Variants in ALMS1 observed in about 807,000 individuals in gnomAD.
ALMS1 encodes centrosome-associated protein ALMS1.
A neutral mutation model predicts 352.2 loss-of-function variants in ALMS1; 271 were observed. That is an observed-to-expected ratio of 0.77 (90% confidence interval 0.70 to 0.85). The LOEUF is 0.85. Among genes scored for constraint, ALMS1 ranks in the 40% least tolerant of loss-of-function variants. The pLI, the probability that ALMS1 is intolerant of heterozygous loss-of-function variation, is 0.00. For synonymous variants in ALMS1, 1,865 were observed against 1,761.2 expected, an observed-to-expected ratio of 1.06 and a Z score of -1.48; for missense variants, 5,445 against 4,870.7, an observed-to-expected ratio of 1.12 and a Z score of -3.51.
At chr2:73,571,007 T>C (rs975922469) in intron 15 of ALMS1, among the ~76,000 whole-genome samples, 10 of 152,358 alleles carry the variant, frequency 6.6e-5, no homozygotes, top group Admixed American at 3.3e-4. Context: ...TTTAGAATTA[T>C]ATATTTGTTT....
intron 4 of ALMS1, among the ~76,000 whole-genome samples, chr2:73,423,398 C>T (rs991559444): frequency 6.6e-6 from 1 of 152,170 alleles, no homozygotes; most frequent in African/African-American, 2.4e-5. Flanking sequence ...GACTAGTTAG[C>T]TCTCCTTACC....
At chr2:73,397,086 T>C (rs1670779558) in intron 1 of ALMS1, among the ~76,000 whole-genome samples, 1 of 152,184 alleles carries the variant, frequency 6.6e-6, no homozygotes, top group African/African-American at 2.4e-5. Flanking sequence ...TGTGGTAACA[T>C]GCTAGGGGTT....
chr2:73,457,262 C>G (rs1310461433), intron 9 of ALMS1: 1 of 152,140 alleles, frequency 6.6e-6, no homozygotes, highest in Non-Finnish European at 1.5e-5. Context: ...GACAGAGTCT[C>G]ACTTTATTGC....
chr2:73,491,473 G>A lies in ALMS1; in HGVS notation c.9514G>A (p.Glu3172Lys), dbSNP rs780504972. The stretch of plus-strand genomic sequence containing the variant: ...AGATTTCGAAGGACATTCCAATCCA[G>A]AGGGGACCCCAGTATTTGCAGATCG... ...ISDFEGHSNPEGTPVFADRLP... is the reference protein window; with the variant it reads ...ISDFEGHSNPKGTPVFADRLP... The change falls in exon 10 of 23, where the codon GAG becomes AAG. Residue 3172 changes from glutamate to lysine, a missense_variant. By Grantham distance (56) the Glu-to-Lys change is moderately conservative (BLOSUM62 1). Transcript: ENST00000613296. The A allele has an allele frequency of 1.2e-6, 2 of 1,613,930 alleles. No homozygotes were observed. The highest frequency in any genetic ancestry group is 2.7e-5 in the African/African-American group (2 of 74,942).
At chr2:73,460,884 C>T (rs967757576) in intron 9 of ALMS1, among the ~76,000 whole-genome samples, 6 of 152,208 alleles carry the variant, frequency 3.9e-5, no homozygotes, top group Non-Finnish European at 8.8e-5. Flanking sequence ...AGCAGCGAGG[C>T]TGGGGGAGGG....
At chr2:73,483,582 A>T (rs1469052195) in intron 9 of ALMS1, among the ~76,000 whole-genome samples, 1 of 151,762 alleles carries the variant, frequency 6.6e-6, no homozygotes, top group South Asian at 2.1e-4. Flanking sequence ...GTAGATGTCT[A>T]TTAGGTCCAC....
At chr2:73,437,401 G>A (rs535644730) in intron 7 of ALMS1, among the ~76,000 whole-genome samples, 11 of 152,328 alleles carry the variant, frequency 7.2e-5, no homozygotes, top group African/African-American at 2.4e-4. Flanking sequence ...GGGTAGGGAT[G>A]ATTAGAGCTT....
At chr2:73,481,142 G>C (rs575940648) in intron 9 of ALMS1, among the ~76,000 whole-genome samples, 5 of 152,284 alleles carry the variant, frequency 3.3e-5, no homozygotes, top group Admixed American at 3.3e-4. Context: ...TAGACATGAA[G>C]TCCTTGCCCA....
chr2:73,562,669 C>G (rs1674689655), intron 15 of ALMS1, among the ~76,000 whole-genome samples: 1 of 151,998 alleles, frequency 6.6e-6, no homozygotes, highest in South Asian at 2.1e-4. Context: ...GGGTGGATCA[C>G]CTGAGGTCAG....
chr2:73,588,617 G>A (rs1437897319), intron 16 of ALMS1, among the ~76,000 whole-genome samples: 1 of 152,074 alleles, frequency 6.6e-6, no homozygotes, highest in Non-Finnish European at 1.5e-5. Context: ...AGTACAAAAA[G>A]TGAAGAAAAA....
Position 73,491,029 on chromosome 2 carries a change from G to T in ALMS1, c.9070G>T (p.Ala3024Ser). The change falls in exon 10 of 23, where the codon GCC becomes TCC. Residue 3024 changes from alanine (A) to serine (S), a missense_variant. Transcript: ENST00000613296. ...AKFNTVVSQS[A>S]PNHCTLAASA... ...GTTCAATACTGTGGTCTCCCAGTCA[G>T]CCCCAAATCACTGTACATTAGCAGC... 1 of 1,614,148 alleles carries T rather than the reference G, an allele frequency of 6.2e-7. No individual in the cohort carries two copies. Among genetic ancestry groups the T allele is most frequent in the East Asian group, 2.2e-5 (1 of 44,884 alleles).
At chr2:73,516,677 A>G (rs1299499067) in intron 10 of ALMS1, among the ~76,000 whole-genome samples, 2 of 152,218 alleles carry the variant, frequency 1.3e-5, no homozygotes, top group Non-Finnish European at 2.9e-5. Flanking sequence ...AATATGGTAA[A>G]TGTTGTAAGG....
At chr2:73,470,134 A>T (rs1672438945) in intron 9 of ALMS1, 1 of 151,700 alleles carries the variant, frequency 6.6e-6, no homozygotes, top group South Asian at 2.1e-4. Flanking sequence ...CATTGTTTTT[A>T]CCTTTTCAAA....
intron 1 of ALMS1, among the ~76,000 whole-genome samples, chr2:73,390,558 A>G (rs1162283102): frequency 2.6e-5 from 4 of 152,236 alleles, no homozygotes. Context: ...GACCAGTCTT[A>G]TAACTAAGTC....
At chr2:73,599,700 G>A (rs772335779) in intron 17 of ALMS1, among the ~76,000 whole-genome samples, 179 bp downstream of exon 17, 3 of 152,208 alleles carry the variant, frequency 2.0e-5, no homozygotes, top group African/African-American at 7.2e-5. Flanking sequence ...GGGCAAGAGT[G>A]TAGGGAAGCG....
chr2:73,571,878 A>G (rs557981076), intron 15 of ALMS1, among the ~76,000 whole-genome samples: 51 of 152,264 alleles, frequency 3.3e-4, no homozygotes, highest in African/African-American at 1.1e-3. Context: ...GGGGTTACCA[A>G]TATCTGTCAG....
chr2:73,464,081 C>G (rs1405583593), intron 9 of ALMS1, among the ~76,000 whole-genome samples: 1 of 152,186 alleles, frequency 6.6e-6, no homozygotes, highest in Non-Finnish European at 1.5e-5. Context: ...GGGAATCCTC[C>G]CTAACTCATT....
chr2:73,420,302 G>A (rs1396985504), intron 3 of ALMS1, among the ~76,000 whole-genome samples: 1 of 152,164 alleles, frequency 6.6e-6, no homozygotes, highest in Non-Finnish European at 1.5e-5. Flanking sequence ...CATGGGATTT[G>A]TATTATAATG....
Position 73,449,611 on chromosome 2 carries a change from A to G in ALMS1, c.3084A>G (p.Lys1028=). The change falls in exon 8 of 23, where the codon AAA becomes AAG. Residue 1028 remains lysine (K), a synonymous_variant. Transcript: ENST00000613296. Reference sequence around the variant, plus strand: ...GTTATGCAACTGAAAAGGCTCTGAAAGTTTCAACTGGCCCTGGACCAGCTG... The same window carrying G: ...GTTATGCAACTGAAAAGGCTCTGAAGGTTTCAACTGGCCCTGGACCAGCTG... ...PDSYATEKAL[K]VSTGPGPADQ... is the part of the protein sequence containing the mutation. 6.2e-7 allele frequency: 1 copy of G among 1,614,080 alleles called. No individual in the cohort carries two copies. The highest frequency in any genetic ancestry group is 8.5e-7 in the Non-Finnish European group (1 of 1,179,970).
Sources: gnomAD v4.1 joint callset for allele counts (sites outside exome capture counted in the v4.1 genomes callset) on GRCh38, gnomAD v4.1.1 for gene constraint, MANE v1.5 for transcripts, NCBI Gene and HGNC (gene_info 2026-07-23, HGNC 2026-07-21) for gene names.